RAB3GAP2: variants seen among roughly 807,000 people sequenced by gnomAD.
The protein encoded by RAB3GAP2 is RAB3 GTPase activating non-catalytic protein subunit 2.
Under a neutral mutation model 185.3 loss-of-function variants are expected in RAB3GAP2, and 87 were observed. The ratio of observed to expected loss-of-function variants is 0.47; its 90% CI spans 0.39 to 0.56. The LOEUF (loss-of-function observed/expected upper bound fraction) is 0.56. Ranked by LOEUF, RAB3GAP2 falls within the 20% of genes least tolerant of loss-of-function variation. The probability of loss-of-function intolerance (pLI) is 0.00; values close to 1 mark genes in which losing one functional copy is unlikely to be tolerated. For missense variants in RAB3GAP2, 1,492 were observed against 1,638.2 expected, an observed-to-expected ratio of 0.91 and a Z score of 1.54; for synonymous variants, 554 against 576.1, an observed-to-expected ratio of 0.96 and a Z score of 0.55.
intron 27 of RAB3GAP2, among the ~76,000 whole-genome samples, chr1:220,164,482 T>G (rs1222813780): frequency 2.0e-5 from 3 of 148,002 alleles, no homozygotes; most frequent in Admixed American, 6.7e-5. Flanking sequence ...TGTTTTTTTT[T>G]TTTTTTTTTT....
chr1:220,244,966 A>G (rs2102898328), intron 1 of RAB3GAP2, among the ~76,000 whole-genome samples: 1 of 152,348 alleles, frequency 6.6e-6, no homozygotes, highest in Non-Finnish European at 1.5e-5. Flanking sequence ...AAAAATAAAT[A>G]AATGGGATCT....
intron 28 of RAB3GAP2, among the ~76,000 whole-genome samples, chr1:220,159,961 G>C (rs1230405079): frequency 6.6e-6 from 1 of 151,856 alleles, no homozygotes; most frequent in Non-Finnish European, 1.5e-5. Flanking sequence ...AGGTTGCGGT[G>C]AGCCAAGATT....
intron 9 of RAB3GAP2, among the ~76,000 whole-genome samples, chr1:220,199,164 T>C (rs930021428): frequency 6.6e-6 from 1 of 151,278 alleles, no homozygotes; most frequent in Non-Finnish European, 1.5e-5. Context: ...AGAAAGATGA[T>C]GTAGAAAAAA....
chr1:220,164,466 T>G (rs1270842989), intron 27 of RAB3GAP2, among the ~76,000 whole-genome samples: 1 of 143,906 alleles, frequency 6.9e-6, no homozygotes. Context: ...GTTTTGTTTT[T>G]TGTTTTGTTT....
intron 2 of RAB3GAP2, among the ~76,000 whole-genome samples, chr1:220,222,133 A>G: frequency 6.6e-6 from 1 of 152,240 alleles, no homozygotes; most frequent in Non-Finnish European, 1.5e-5. Context: ...ATACTTTTAA[A>G]GCAAGACACA....
At chr1:220,168,075 G>A (rs1414831499) in intron 24 of RAB3GAP2, among the ~76,000 whole-genome samples, 1 of 151,996 alleles carries the variant, frequency 6.6e-6, no homozygotes, top group Non-Finnish European at 1.5e-5. Flanking sequence ...GGCTCCTAAG[G>A]CCAATATAAT....
intron 21 of RAB3GAP2, 49 bp from the exon 22 acceptor site, chr1:220,172,791 G>A (rs2102859833): frequency 2.3e-6 from 3 of 1,299,676 alleles, no homozygotes; most frequent in Middle Eastern, 1.8e-4. Flanking sequence ...ATTTAGCATA[G>A]ACAAAATCTT....
At chr1:220,253,992 T>A (rs1192345591) in intron 1 of RAB3GAP2, 9 of 1,613,718 alleles carry the variant, frequency 5.6e-6, no homozygotes, top group African/African-American at 1.3e-5. Context: ...CCCGGGTAGA[T>A]CCTACTGTTG....
chr1:220,213,742 G>T lies in RAB3GAP2; in HGVS notation c.304+114C>A, dbSNP rs1047125829. 59 of 988,198 alleles carry T rather than the reference G, an allele frequency of 6.0e-5. 1 individual carries two copies. The highest frequency in any genetic ancestry group is 4.8e-4 in the East Asian group (16 of 33,556). 61.2% of individuals were successfully genotyped at this position (988,198 alleles called of 1,614,324 possible). On this transcript the variant is annotated intron_variant, in intron 3 of 34. Transcript: ENST00000358951. ...GGGCGGAGGAGGAGTTGGGGGGGGG[G>T]GGAGAGAGAGAGAAATAAATAAATA...
At chr1:220,187,963 A>G (rs1039715860) in intron 17 of RAB3GAP2, among the ~76,000 whole-genome samples, 3 of 152,052 alleles carry the variant, frequency 2.0e-5, no homozygotes, top group African/African-American at 7.2e-5. Context: ...AGTAGGTAGA[A>G]GTCTTGTGGG....
chr1:220,223,435 T>C (rs1659344442), intron 2 of RAB3GAP2, among the ~76,000 whole-genome samples: 1 of 152,170 alleles, frequency 6.6e-6, no homozygotes, highest in African/African-American at 2.4e-5. Flanking sequence ...GATAATGGTA[T>C]GCGTTCCCCA....
At position 220,182,898 on chromosome 1, in the gene RAB3GAP2, C is replaced by T. The variant is rs116733626; in HGVS notation, c.2032G>A (p.Glu678Lys). 1.2e-6 allele frequency: 2 copies of T among 1,613,336 alleles called. No homozygotes were observed. Among genetic ancestry groups the T allele is most frequent in the South Asian group, 1.1e-5 (1 of 91,058 alleles). The change falls in exon 20 of 35, where the codon GAA (glutamate) becomes AAA (lysine). Residue 678 changes from glutamate to lysine, a missense_variant. Around this residue, in one of 5 missense-constraint regions of RAB3GAP2, gnomAD observed 681 missense variants for 689.1 expected, o/e 0.99. Transcript: ENST00000358951. ...LALLLRLDEKELLKLQALLEK... is the reference protein window; with the variant it reads ...LALLLRLDEKKLLKLQALLEK... ...AGTAATGCCTGGAGCTTAAGCAGTT[C>T]TTTTTCATCAAGCCTTAGTAACAGA...
rs149913096 is a variant in RAB3GAP2 at position 220,149,149 on chromosome 1, G to C, written c.*2102C>G. On this transcript the variant is annotated 3_prime_UTR_variant, in exon 35 of 35. Coordinates refer to ENST00000358951, the MANE Select transcript of RAB3GAP2 (RefSeq NM_012414.4). ...TATTTGCCTTTCTTCCTATCAATCAGATTTATTTATTTTAAAAGCCCTTGA... is the reference window on the plus strand; with the variant it reads ...TATTTGCCTTTCTTCCTATCAATCACATTTATTTATTTTAAAAGCCCTTGA... 6.6e-6 allele frequency: 1 copy of C among 151,974 alleles called. No individual in the cohort carries two copies. The highest frequency in any genetic ancestry group is 2.4e-5 in the African/African-American group (1 of 41,342). The allele number at this position is 151,974 out of a possible 1,614,324, so 9.4% of individuals were successfully genotyped here.
chr1:220,163,052 T>C (rs1288368162), intron 27 of RAB3GAP2, among the ~76,000 whole-genome samples: 1 of 152,126 alleles, frequency 6.6e-6, no homozygotes. Flanking sequence ...GGTGATAGCA[T>C]AGCTTGAGCT....
chr1:220,218,597 G>A (rs965122262), intron 2 of RAB3GAP2, among the ~76,000 whole-genome samples: 11 of 152,084 alleles, frequency 7.2e-5, no homozygotes, highest in African/African-American at 2.7e-4. Context: ...CGTGGGGTGT[G>A]GAGTCAGGGG....
intron 1 of RAB3GAP2, 33 bp downstream of exon 1, chr1:220,272,190 G>A: frequency 6.5e-7 from 1 of 1,545,936 alleles, no homozygotes. Context: ...CGGGTGACGA[G>A]GGAAGGAAGG....
At chr1:220,227,342 T>C (rs1659419836) in intron 2 of RAB3GAP2, among the ~76,000 whole-genome samples, 1 of 152,096 alleles carries the variant, frequency 6.6e-6, no homozygotes, top group Admixed American at 6.5e-5. Flanking sequence ...AGAATCAACC[T>C]AGAGTCAGAA....
chr1:220,160,727 G>GTA (rs1371999231), intron 28 of RAB3GAP2, among the ~76,000 whole-genome samples: 10 of 152,006 alleles, frequency 6.6e-5, no homozygotes, highest in African/African-American at 2.4e-4. Context: ...CTTTTTACTG[G>GTA]TATATATATA....
At chr1:220,268,261 AACTCTTTATATT>A (rs1408909855) in intron 1 of RAB3GAP2, among the ~76,000 whole-genome samples, 1 of 152,188 alleles carries the variant, frequency 6.6e-6, no homozygotes, top group Non-Finnish European at 1.5e-5. Flanking sequence ...TTACGTTCAA[AACTCTTTATATT>A]ACGGCTTGGC....
Sources: allele counts gnomAD v4.1 joint callset (sites outside exome capture counted in the v4.1 genomes callset), GRCh38; gene constraint gnomAD v4.1.1; regional missense constraint gnomAD v4.1.1; transcripts MANE v1.5; gene names NCBI Gene and HGNC (gene_info 2026-07-23, HGNC 2026-07-21).